Variants in SNTG2 observed in about 807,000 individuals in gnomAD.
The protein encoded by SNTG2 is syntrophin gamma 2, also known as gamma-2-syntrophin.
A neutral mutation model predicts 70.9 loss-of-function variants in SNTG2; 74 were observed. The ratio of observed to expected loss-of-function variants is 1.04; its 90% CI spans 0.86 to 1.27. The LOEUF is 1.27. Among genes scored for constraint, SNTG2 ranks in the 50% most tolerant of loss-of-function variants. The probability of loss-of-function intolerance (pLI) is 0.00; values close to 1 mark genes in which losing one functional copy is unlikely to be tolerated. For missense variants in SNTG2, 717 were observed against 690.7 expected (o/e 1.04, Z -0.43); for synonymous variants, 278 against 273.8 (o/e 1.02, Z -0.15).
chr2:1,165,748 T>C, intron 7 of SNTG2, 113 bp downstream of exon 7: 2 of 906,212 alleles, frequency 2.2e-6, no homozygotes, highest in Non-Finnish European at 3.4e-6. Context: ...TGAGTGTACA[T>C]TCAGAGAGAA....
intron 8 of SNTG2, among the ~76,000 whole-genome samples, chr2:1,192,516 T>A (rs1240575748): frequency 1.3e-5 from 2 of 152,210 alleles, no homozygotes; most frequent in Non-Finnish European, 2.9e-5. Flanking sequence ...CCAAGAATTT[T>A]TAATTCTTGG....
intron 16 of SNTG2, among the ~76,000 whole-genome samples, chr2:1,330,745 C>T (rs1275870641): frequency 6.6e-6 from 1 of 152,158 alleles, no homozygotes; most frequent in East Asian, 1.9e-4. Flanking sequence ...CACCTTGAGT[C>T]ACATGGGTCC....
chr2:1,361,519 A>G (rs566391770), intron 16 of SNTG2, among the ~76,000 whole-genome samples: 3 of 152,404 alleles, frequency 2.0e-5, no homozygotes, highest in East Asian at 1.9e-4. Flanking sequence ...TTTAAAAAAT[A>G]TAACTTTTTA....
chr2:1,001,359 C>G (rs780465510), intron 1 of SNTG2, among the ~76,000 whole-genome samples: 1 of 151,902 alleles, frequency 6.6e-6, no homozygotes. Context: ...GATCTTATAC[C>G]TAGAAAATCC....
At chr2:1,167,398 G>T (rs183590303) in intron 7 of SNTG2, among the ~76,000 whole-genome samples, 1 of 145,790 alleles carries the variant, frequency 6.9e-6, no homozygotes, top group African/African-American at 2.6e-5. Context: ...CCTACAGGCC[G>T]CCCACAGACG....
intron 1 of SNTG2, among the ~76,000 whole-genome samples, chr2:1,067,570 TA>T (rs1255573048): frequency 6.6e-6 from 1 of 152,196 alleles, no homozygotes; most frequent in Non-Finnish European, 1.5e-5. Flanking sequence ...TTGGTGTTTC[TA>T]AAGTGAGTCA....
intron 1 of SNTG2, among the ~76,000 whole-genome samples, chr2:958,121 CTG>C (rs1317855221): frequency 6.6e-6 from 1 of 152,112 alleles, no homozygotes; most frequent in Non-Finnish European, 1.5e-5. Flanking sequence ...ACACATAAGA[CTG>C]TAGAGACGGC....
At chr2:1,073,447 A>G (rs1663707427) in intron 1 of SNTG2, among the ~76,000 whole-genome samples, 1 of 152,206 alleles carries the variant, frequency 6.6e-6, no homozygotes, top group Admixed American at 6.5e-5. Flanking sequence ...GCAATAAAGT[A>G]TTTTTTTAAT....
intron 8 of SNTG2, among the ~76,000 whole-genome samples, chr2:1,206,952 G>A (rs1423559834): frequency 1.3e-5 from 2 of 152,162 alleles, no homozygotes; most frequent in East Asian, 1.9e-4. Context: ...CTTTGAATCA[G>A]CAACAAGGGG....
rs554754615 is a variant in SNTG2 at position 1,365,169 on chromosome 2, C to T, written c.1489-2174C>T. The stretch of plus-strand genomic sequence containing the variant: ...AGTCTCACGCTTTGGGTATGATTGG[C>T]GAATCCAGCTTGAATTAAAGTTTAA... On this transcript the variant is annotated intron_variant, in intron 16 of 16. Transcript: ENST00000308624. 6.6e-5 allele frequency among the ~76,000 whole-genome samples: 10 copies of T among 151,992 alleles called. No individual in the cohort carries two copies. The South Asian group carries it at 1.0e-3, about 16-fold the overall frequency.
intron 14 of SNTG2, among the ~76,000 whole-genome samples, chr2:1,305,426 G>A (rs1192043544): frequency 2.0e-5 from 3 of 152,212 alleles, no homozygotes; most frequent in African/African-American, 7.2e-5. Flanking sequence ...GTGGGAAGTG[G>A]GCCGTGAGGC....
At chr2:1,110,130 G>C (rs2148244861) in intron 4 of SNTG2, among the ~76,000 whole-genome samples, 1 of 152,194 alleles carries the variant, frequency 6.6e-6, no homozygotes, top group Non-Finnish European at 1.5e-5. Context: ...CAAAACCCAG[G>C]TCCCAAAGCT....
intron 1 of SNTG2, among the ~76,000 whole-genome samples, chr2:1,004,282 CTTTTG>C (rs1558305278): frequency 2.0e-5 from 3 of 152,148 alleles, no homozygotes; most frequent in African/African-American, 7.2e-5. Context: ...ATGATGATGA[CTTTTG>C]ATATGACATC....
intron 1 of SNTG2, among the ~76,000 whole-genome samples, chr2:1,065,976 C>G (rs1378407804): frequency 6.6e-6 from 1 of 152,178 alleles, no homozygotes; most frequent in African/African-American, 2.4e-5. Context: ...ATAGCAGTCA[C>G]TTAGGAAACT....
At chr2:1,234,259 G>T (rs961523458) in intron 9 of SNTG2, among the ~76,000 whole-genome samples, 4 of 152,152 alleles carry the variant, frequency 2.6e-5, no homozygotes, top group African/African-American at 9.7e-5. Flanking sequence ...TAGTTACCCG[G>T]CTTCTATAAC....
intron 14 of SNTG2, among the ~76,000 whole-genome samples, chr2:1,280,879 A>C (rs1327856262): frequency 2.0e-5 from 3 of 152,214 alleles, no homozygotes; most frequent in African/African-American, 7.2e-5. Flanking sequence ...CAAATCCGAT[A>C]ATTACTAGTT....
intron 1 of SNTG2, among the ~76,000 whole-genome samples, chr2:1,070,710 A>G (rs1663475634): frequency 6.6e-6 from 1 of 152,212 alleles, no homozygotes; most frequent in Non-Finnish European, 1.5e-5. Flanking sequence ...AGTTACATTC[A>G]TGTTTAAGGT....
At chr2:1,088,913 C>T (rs545602554) in intron 2 of SNTG2, among the ~76,000 whole-genome samples, 17 of 152,280 alleles carry the variant, frequency 1.1e-4, no homozygotes, top group Non-Finnish European at 2.2e-4. Context: ...GTCTCCACAG[C>T]GGAGGATGGC....
chr2:1,141,455 C>T (rs868734226), intron 6 of SNTG2, among the ~76,000 whole-genome samples: 3 of 152,086 alleles, frequency 2.0e-5, no homozygotes, highest in Non-Finnish European at 4.4e-5. Flanking sequence ...GTATCAGGGA[C>T]GTTTTTGATT....
Sources: gnomAD v4.1 joint callset for allele counts (sites outside exome capture counted in the v4.1 genomes callset) on GRCh38, gnomAD v4.1.1 for gene constraint, MANE v1.5 for transcripts, NCBI Gene and HGNC (gene_info 2026-07-23, HGNC 2026-07-21) for gene names.